PIK3C2G: variants seen among roughly 807,000 people sequenced by gnomAD.
PIK3C2G encodes the protein phosphatidylinositol-4-phosphate 3-kinase catalytic subunit type 2 gamma.
A neutral mutation model predicts 181.1 loss-of-function variants in PIK3C2G; 168 were observed. The observed-to-expected ratio is 0.93, with a 90% CI of 0.82 to 1.05. The LOEUF (loss-of-function observed/expected upper bound fraction) is 1.05. Ranked by LOEUF, PIK3C2G falls within the 50% of genes least tolerant of loss-of-function variation. The pLI, the probability that PIK3C2G is intolerant of heterozygous loss-of-function variation, is 0.00. For missense variants in PIK3C2G, 1,869 were observed against 1,732.8 expected, an observed-to-expected ratio of 1.08 and a Z score of -1.40; for synonymous variants, 573 against 592.2, an observed-to-expected ratio of 0.97 and a Z score of 0.47.
intron 30 of PIK3C2G, among the ~76,000 whole-genome samples, chr12:18,595,201 A>T (rs1185008826): frequency 6.6e-6 from 1 of 152,046 alleles, no homozygotes; most frequent in Non-Finnish European, 1.5e-5. Flanking sequence ...TAATCAAATT[A>T]TTTTCTTTTT....
At chr12:18,354,780 G>T (rs1025372143) in intron 11 of PIK3C2G, among the ~76,000 whole-genome samples, 6 of 152,164 alleles carry the variant, frequency 3.9e-5, no homozygotes, top group African/African-American at 1.4e-4. Flanking sequence ...GGAGACAGTT[G>T]GTTGCCCATT....
At chr12:18,381,994 C>T in intron 14 of PIK3C2G, 114 bp downstream of exon 14, 1 of 690,480 alleles carries the variant, frequency 1.4e-6, no homozygotes, top group East Asian at 2.7e-5. Context: ...ATAGCCTTCT[C>T]TGCCTCCAGC....
At chr12:18,521,907 T>C (rs1942943496) in intron 24 of PIK3C2G, among the ~76,000 whole-genome samples, 1 of 152,212 alleles carries the variant, frequency 6.6e-6, no homozygotes, top group African/African-American at 2.4e-5. Context: ...TTCCAAATCA[T>C]GGGTTGCACA....
chr12:18,664,711 T>C, the PIK3C2G span, among the ~76,000 whole-genome samples: 1 of 151,706 alleles, frequency 6.6e-6, no homozygotes, highest in Admixed American at 6.6e-5. Flanking sequence ...TGCACACGTA[T>C]GTTTATTGCG....
At chr12:18,366,202 T>C (rs1219713850) in intron 12 of PIK3C2G, among the ~76,000 whole-genome samples, 2 of 152,224 alleles carry the variant, frequency 1.3e-5, no homozygotes, top group Non-Finnish European at 2.9e-5. Context: ...AATGGTCTAT[T>C]GTTTAGTGTC....
the PIK3C2G span, chr12:18,683,472 C>T: frequency 1.4e-6 from 2 of 1,458,758 alleles, no homozygotes; most frequent in Non-Finnish European, 1.9e-6. Flanking sequence ...TATTAATCTT[C>T]CACAAAAATT....
the PIK3C2G span, among the ~76,000 whole-genome samples, chr12:18,654,294 TAAAAA>T: frequency 7.0e-6 from 1 of 142,672 alleles, no homozygotes; most frequent in Non-Finnish European, 1.5e-5. Context: ...CACTAGTACC[TAAAAA>T]AAAAAAAAAA....
At chr12:18,696,139 A>G in the PIK3C2G span, 1 of 1,313,934 alleles carries the variant, frequency 7.6e-7, no homozygotes, top group South Asian at 1.2e-5. Context: ...TCAATATCGT[A>G]TATAACATAC....
chr12:18,396,082 CAAATT>C (rs1420680528), intron 15 of PIK3C2G, among the ~76,000 whole-genome samples: 2 of 151,338 alleles, frequency 1.3e-5, no homozygotes, highest in Non-Finnish European at 1.5e-5. Flanking sequence ...ACTAAGAACT[CAAATT>C]AAAAAGCAGA....
intron 24 of PIK3C2G, among the ~76,000 whole-genome samples, chr12:18,506,222 C>T (rs1285807358): frequency 1.3e-5 from 2 of 151,994 alleles, no homozygotes; most frequent in Non-Finnish European, 1.5e-5. Flanking sequence ...ATGGCATGTT[C>T]CAGTGACAAG....
At chr12:18,292,221 A>ATAT (rs1489451632) in intron 4 of PIK3C2G, among the ~76,000 whole-genome samples, 2 of 78,820 alleles carry the variant, frequency 2.5e-5, no homozygotes, top group Non-Finnish European at 4.8e-5. Flanking sequence ...AAAAAAAAAA[A>ATAT]AAAAAAATAT....
the PIK3C2G span, among the ~76,000 whole-genome samples, chr12:18,673,687 T>C: frequency 6.6e-6 from 1 of 152,208 alleles, no homozygotes. Context: ...GGCCCTCTGA[T>C]TCACTGTCTC....
At chr12:18,522,530 T>A (rs1942983772) in intron 24 of PIK3C2G, among the ~76,000 whole-genome samples, 1 of 151,932 alleles carries the variant, frequency 6.6e-6, no homozygotes, top group Non-Finnish European at 1.5e-5. Context: ...GGTTTTTTTT[T>A]TTTTCTTCAG....
chr12:18,297,268 T>C (rs951879196), intron 5 of PIK3C2G, among the ~76,000 whole-genome samples: 1 of 152,078 alleles, frequency 6.6e-6, no homozygotes, highest in African/African-American at 2.4e-5. Flanking sequence ...TAATGCTTCT[T>C]CATAATTTTT....
At chr12:18,356,592 G>T (rs1450517071) in intron 11 of PIK3C2G, among the ~76,000 whole-genome samples, 1 of 152,140 alleles carries the variant, frequency 6.6e-6, no homozygotes, top group African/African-American at 2.4e-5. Flanking sequence ...TGTCCAGGAA[G>T]AATTAGGTCA....
intron 8 of PIK3C2G, among the ~76,000 whole-genome samples, chr12:18,329,401 A>G (rs866845098): frequency 1.3e-4 from 20 of 151,956 alleles, no homozygotes; most frequent in African/African-American, 4.3e-4. Context: ...TCCTCTATGT[A>G]AAAGGTCCTA....
intron 31 of PIK3C2G, among the ~76,000 whole-genome samples, chr12:18,627,158 A>C (rs1219981569): frequency 2.0e-5 from 3 of 151,378 alleles, no homozygotes; most frequent in Non-Finnish European, 4.4e-5. Context: ...CTGGCTGTTG[A>C]AAATTTCTAT....
intron 1 of PIK3C2G, among the ~76,000 whole-genome samples, chr12:18,262,786 T>C (rs1948304943): frequency 1.3e-5 from 2 of 152,226 alleles, no homozygotes; most frequent in South Asian, 4.1e-4. Context: ...GAGGAAGCCC[T>C]CTTCAAGTAA....
intron 30 of PIK3C2G, among the ~76,000 whole-genome samples, 171 bp downstream of exon 30, chr12:18,594,740 G>A (rs1482380082): frequency 6.6e-6 from 1 of 151,758 alleles, no homozygotes; most frequent in Non-Finnish European, 1.5e-5. Context: ...TCCAGATTTT[G>A]AAAAAATAAA....
Sources: gnomAD v4.1 joint callset for allele counts (sites outside exome capture counted in the v4.1 genomes callset) on GRCh38, gnomAD v4.1.1 for gene constraint, MANE v1.5 for transcripts, NCBI Gene and HGNC (gene_info 2026-07-23, HGNC 2026-07-21) for gene names.